Variants in SGCZ observed in about 807,000 individuals in gnomAD.
SGCZ encodes the protein zeta-sarcoglycan.
SGCZ carries 40 observed loss-of-function variants against 41.3 expected under a neutral mutation model. The observed-to-expected ratio is 0.97, with a 90% CI of 0.75 to 1.26. The LOEUF is 1.26. Among genes scored for constraint, SGCZ ranks in the 50% most tolerant of loss-of-function variants. The pLI, the probability that SGCZ is intolerant of heterozygous loss-of-function variation, is 0.00. For missense variants in SGCZ, 552 were observed against 369.8 expected (o/e 1.49, Z -4.04); for synonymous variants, 206 against 137.5 (o/e 1.50, Z -3.49).
chr8:14,236,648 C>T (rs1361950832), intron 4 of SGCZ, among the ~76,000 whole-genome samples: 1 of 151,506 alleles, frequency 6.6e-6, no homozygotes, highest in Non-Finnish European at 1.5e-5. Context: ...CCCTCTTTCT[C>T]ATTCTCTCTC....
At position 14,601,571 on chromosome 8, in the gene SGCZ, G is replaced by C. The variant is rs543975588; in HGVS notation, c.40-46645C>G. Among the ~76,000 whole-genome samples the C allele has an allele frequency of 2.0e-5, 3 of 152,166 alleles. No homozygotes were observed. In the East Asian group the frequency reaches 5.8e-4, roughly 29 times the overall value. On this transcript the variant is annotated intron_variant, in intron 1 of 7. Coordinates refer to ENST00000382080, the MANE Select transcript of SGCZ (RefSeq NM_139167.4). The stretch of plus-strand genomic sequence containing the variant: ...GGAGCTGATTTTCTTCCCTGAACCT[G>C]TTCTAATACGTAGAGCATACAAGTT...
chr8:15,017,151 T>A (rs2130936277), intron 1 of SGCZ, among the ~76,000 whole-genome samples: 1 of 152,344 alleles, frequency 6.6e-6, no homozygotes, highest in South Asian at 2.1e-4. Context: ...GTTCTGGCTT[T>A]AAAACTTTAG....
chr8:14,960,357 AT>A (rs200205300), intron 1 of SGCZ, among the ~76,000 whole-genome samples: 4 of 149,180 alleles, frequency 2.7e-5, no homozygotes, highest in South Asian at 2.1e-4. Flanking sequence ...GGCCTCTCTG[AT>A]TTTTTTTTTA....
At chr8:14,476,273 T>C (rs557216898) in intron 2 of SGCZ, among the ~76,000 whole-genome samples, 2 of 152,210 alleles carry the variant, frequency 1.3e-5, no homozygotes, top group South Asian at 2.1e-4. Flanking sequence ...TCCAACTCAC[T>C]GGGACCTGCC....
At chr8:14,834,445 C>T (rs1802631051) in intron 1 of SGCZ, among the ~76,000 whole-genome samples, 1 of 152,088 alleles carries the variant, frequency 6.6e-6, no homozygotes, top group Non-Finnish European at 1.5e-5. Context: ...ACATGTTAAT[C>T]GCAGACTGAA....
chr8:15,086,802 T>C (rs531609723), intron 1 of SGCZ, among the ~76,000 whole-genome samples: 2 of 152,290 alleles, frequency 1.3e-5, no homozygotes, highest in African/African-American at 4.8e-5. Context: ...TTTTTCTCTC[T>C]GCATTGTCTT....
chr8:14,947,494 G>C (rs1280025237), intron 1 of SGCZ, among the ~76,000 whole-genome samples: 2 of 152,166 alleles, frequency 1.3e-5, no homozygotes, highest in African/African-American at 4.8e-5. Flanking sequence ...AAGATGCTCT[G>C]CTACTGGAAA....
intron 1 of SGCZ, among the ~76,000 whole-genome samples, chr8:14,708,728 G>C (rs1474124473): frequency 1.3e-5 from 2 of 151,674 alleles, no homozygotes; most frequent in African/African-American, 4.8e-5. Flanking sequence ...TATCATAATA[G>C]AAGAATATAT....
At chr8:14,409,063 C>T (rs1799290905) in intron 2 of SGCZ, among the ~76,000 whole-genome samples, 1 of 151,816 alleles carries the variant, frequency 6.6e-6, no homozygotes, top group Non-Finnish European at 1.5e-5. Flanking sequence ...ATACACGACA[C>T]AGATCCCAGT....
chr8:14,365,670 G>T (rs1803678050), intron 2 of SGCZ, among the ~76,000 whole-genome samples: 1 of 152,062 alleles, frequency 6.6e-6, no homozygotes, highest in African/African-American at 2.4e-5. Flanking sequence ...ATTTGGGAAG[G>T]TTAGAAATAA....
At chr8:14,614,570 G>T (rs2117349857) in intron 1 of SGCZ, among the ~76,000 whole-genome samples, 1 of 152,178 alleles carries the variant, frequency 6.6e-6, no homozygotes, top group Admixed American at 6.5e-5. Context: ...GTGAATAGTA[G>T]CTTGAACCAT....
chr8:14,561,489 TC>T (rs1804206329), intron 1 of SGCZ, among the ~76,000 whole-genome samples: 1 of 152,124 alleles, frequency 6.6e-6, no homozygotes, highest in Non-Finnish European at 1.5e-5. Flanking sequence ...TTCAATGCCC[TC>T]AAAATCTGTT....
intron 1 of SGCZ, among the ~76,000 whole-genome samples, chr8:15,015,914 C>A (rs978865824): frequency 4.6e-5 from 7 of 151,908 alleles, no homozygotes; most frequent in African/African-American, 1.7e-4. Context: ...GCTTCCATAT[C>A]TCCTTTTTCA....
At chr8:14,488,527 T>C (rs922613299) in intron 2 of SGCZ, among the ~76,000 whole-genome samples, 3 of 152,070 alleles carry the variant, frequency 2.0e-5, no homozygotes, top group Non-Finnish European at 4.4e-5. Flanking sequence ...CCCTAGCCTC[T>C]AGCCAGTTTT....
chr8:15,182,165 C>T (rs1800198599), intron 1 of SGCZ, among the ~76,000 whole-genome samples: 1 of 152,054 alleles, frequency 6.6e-6, no homozygotes, highest in Admixed American at 6.6e-5. Context: ...ATATGTGTAC[C>T]TGATATTTCA....
intron 1 of SGCZ, among the ~76,000 whole-genome samples, chr8:14,886,150 C>T (rs193283008): frequency 1.3e-4 from 19 of 150,654 alleles, no homozygotes; most frequent in Non-Finnish European, 2.5e-4. Context: ...TAAGCCAGAC[C>T]GTTAGTATTG....
At chr8:15,008,165 G>C (rs1393025374) in intron 1 of SGCZ, among the ~76,000 whole-genome samples, 1 of 151,964 alleles carries the variant, frequency 6.6e-6, no homozygotes, top group Non-Finnish European at 1.5e-5. Flanking sequence ...ACATATCTCT[G>C]CACCTACTTG....
At chr8:14,449,378 A>C (rs1462776365) in intron 2 of SGCZ, among the ~76,000 whole-genome samples, 2 of 152,150 alleles carry the variant, frequency 1.3e-5, no homozygotes, top group Non-Finnish European at 2.9e-5. Flanking sequence ...GTGGCACATG[A>C]CTTTTCTAGA....
chr8:14,952,152 A>G (rs73517391), intron 1 of SGCZ, among the ~76,000 whole-genome samples: 16,533 of 152,102 alleles, frequency 0.11, 1,084 homozygotes, highest in African/African-American at 0.17. Context: ...ACACACTAAA[A>G]TATATTTTTT....
Sources: gnomAD v4.1 joint callset for allele counts (sites outside exome capture counted in the v4.1 genomes callset) on GRCh38, gnomAD v4.1.1 for gene constraint, MANE v1.5 for transcripts, NCBI Gene and HGNC (gene_info 2026-07-23, HGNC 2026-07-21) for gene names.